The following ARHGAP39 variants were observed in gnomAD, a reference collection of about 807,000 sequenced individuals.
The protein encoded by ARHGAP39 is Rho GTPase activating protein 39.
A neutral mutation model predicts 106.9 loss-of-function variants in ARHGAP39; 44 were observed. That is an observed-to-expected ratio of 0.41 (90% CI 0.32 to 0.53). ARHGAP39 has a LOEUF of 0.53. Ranked by LOEUF, ARHGAP39 falls within the 20% of genes least tolerant of loss-of-function variation. The pLI, the probability that ARHGAP39 is intolerant of heterozygous loss-of-function variation, is 0.21. For missense variants in ARHGAP39, 1,496 were observed against 1,577.3 expected (o/e 0.95, Z 0.87); for synonymous variants, 768 against 693.2 (o/e 1.11, Z -1.69).
chr8:144,660,892 G>A (rs1239233381), intron 1 of ARHGAP39, among the ~76,000 whole-genome samples: 2 of 152,162 alleles, frequency 1.3e-5, no homozygotes, highest in Non-Finnish European at 2.9e-5. Flanking sequence ...GCTGAGGCAG[G>A]AGAATTGCTT....
chr8:144,661,774 G>A (rs1049018451), intron 1 of ARHGAP39, among the ~76,000 whole-genome samples: 1 of 151,882 alleles, frequency 6.6e-6, no homozygotes, highest in Non-Finnish European at 1.5e-5. Context: ...GCCACTACCC[G>A]CCTCTCCATT....
intron 1 of ARHGAP39, among the ~76,000 whole-genome samples, chr8:144,659,089 T>C (rs1821764077): frequency 6.6e-6 from 1 of 152,108 alleles, no homozygotes; most frequent in Non-Finnish European, 1.5e-5. Flanking sequence ...CAGGTGCTAA[T>C]CCCAAAAGCA....
intron 1 of ARHGAP39, among the ~76,000 whole-genome samples, chr8:144,658,822 A>C (rs1455255196): frequency 1.3e-5 from 2 of 152,194 alleles, no homozygotes; most frequent in Non-Finnish European, 2.9e-5. Context: ...TCATAGACAA[A>C]ATGATTATAT....
intron 3 of ARHGAP39, among the ~76,000 whole-genome samples, chr8:144,566,803 C>T (rs376568478): frequency 1.5e-4 from 22 of 149,634 alleles, no homozygotes; most frequent in African/African-American, 2.7e-4. Context: ...TGCAGTGAGC[C>T]GAGATCGTGC....
chr8:144,534,047 T>G, intron 8 of ARHGAP39, 82 bp downstream of exon 8: 1 of 1,509,814 alleles, frequency 6.6e-7, no homozygotes, highest in Non-Finnish European at 9.1e-7. Context: ...CATACCAAAC[T>G]GCAGGCGGGG....
intron 2 of ARHGAP39, among the ~76,000 whole-genome samples, chr8:144,600,812 C>T (rs140931082): frequency 0.027 from 3,800 of 139,406 alleles, 90 homozygotes; most frequent in Admixed American, 0.07. Flanking sequence ...CCTACCTGCG[C>T]GTGTGTGTGC....
At chr8:144,556,283 T>TAAAA (rs773901158) in intron 3 of ARHGAP39, among the ~76,000 whole-genome samples, 6 of 87,290 alleles carry the variant, frequency 6.9e-5, no homozygotes, top group South Asian at 3.9e-4. Context: ...AGACTCCATC[T>TAAAA]AAAAAAAAAA....
At chr8:144,620,840 C>T (rs1054874197) in intron 1 of ARHGAP39, among the ~76,000 whole-genome samples, 5 of 152,248 alleles carry the variant, frequency 3.3e-5, no homozygotes, top group Admixed American at 6.5e-5. Context: ...GAAGAGGGGC[C>T]GTGAGGACCG....
intron 1 of ARHGAP39, among the ~76,000 whole-genome samples, chr8:144,632,968 C>A (rs1224083084): frequency 6.6e-6 from 1 of 152,240 alleles, no homozygotes; most frequent in Non-Finnish European, 1.5e-5. Context: ...AGTGAGACCC[C>A]ATCTCTATAA....
chr8:144,548,521 G>A lies in ARHGAP39; in HGVS notation c.597-32C>T. 1 of 1,593,482 alleles carries A rather than the reference G, an allele frequency of 6.3e-7. No individual in the cohort carries two copies. Among genetic ancestry groups the A allele is most frequent in the Non-Finnish European group, 8.5e-7 (1 of 1,172,856 alleles). On this transcript the variant is annotated intron_variant, in intron 4 of 11. Transcript: ENST00000377307. The surrounding 1 kb of genome is among the most constrained non-coding windows in gnomAD (Gnocchi z 7.4). ...GGGGGGTGGACGGGCACAGGTGACT[G>A]CCTGCCTGCTGCTTCTGGGCACGCC... is the stretch of plus-strand genomic sequence containing the variant.
chr8:144,581,710 C>A (rs750716690), intron 2 of ARHGAP39, among the ~76,000 whole-genome samples: 1 of 152,186 alleles, frequency 6.6e-6, no homozygotes, highest in Non-Finnish European at 1.5e-5. Flanking sequence ...TCTGGAGGGG[C>A]CTCAGGCCCA....
chr8:144,689,457 A>G (rs12216871), upstream of ARHGAP39, among the ~76,000 whole-genome samples: 109,692 of 110,552 alleles, frequency 0.99, 54,419 homozygotes, highest in Admixed American at 0.99. Context: ...TTTTTTTTGA[A>G]AAGGAGTCTC....
rs904916437 is a variant in ARHGAP39, at chr8:144,671,704, C to T, written c.-82+13982G>A. On this transcript the variant is annotated intron_variant, in intron 1 of 11. Transcript: ENST00000377307. This position sits in a 1 kb window ranked among gnomAD's most constrained non-coding sequence, Gnocchi z 4.5. ...GCCTACCTGAACTCCACGCCCCTCC[C>T]GGCCAGCCACCCTAGGGTTCTCCCT... Among the ~76,000 whole-genome samples, 1 of 152,242 alleles carries T rather than the reference C, an allele frequency of 6.6e-6. No homozygotes were observed. Among genetic ancestry groups the T allele is most frequent in the Admixed American group, 6.5e-5 (1 of 15,280 alleles).
intron 7 of ARHGAP39, among the ~76,000 whole-genome samples, chr8:144,536,174 C>T (rs1362484305): frequency 6.6e-6 from 1 of 152,192 alleles, no homozygotes; most frequent in Non-Finnish European, 1.5e-5. Flanking sequence ...GACCTCAGCC[C>T]TCATCTCCAT....
At chr8:144,633,047 C>T in intron 1 of ARHGAP39, among the ~76,000 whole-genome samples, 1 of 152,164 alleles carries the variant, frequency 6.6e-6, no homozygotes, top group Non-Finnish European at 1.5e-5. Flanking sequence ...GAGGCTGAGG[C>T]AGGAGGATCA....
intron 6 of ARHGAP39, among the ~76,000 whole-genome samples, chr8:144,544,709 C>T (rs574739972): frequency 8.5e-5 from 13 of 152,344 alleles, no homozygotes; most frequent in African/African-American, 1.9e-4. Flanking sequence ...ATGATGGCTC[C>T]GACGTGCGAC....
intron 2 of ARHGAP39, among the ~76,000 whole-genome samples, chr8:144,600,594 G>A (rs1359515008): frequency 2.7e-5 from 4 of 148,082 alleles, no homozygotes; most frequent in Non-Finnish European, 6.0e-5. Flanking sequence ...GTATACCTGA[G>A]TGTGCGTGTT....
intron 2 of ARHGAP39, among the ~76,000 whole-genome samples, chr8:144,600,010 C>T (rs1819786341): frequency 6.6e-6 from 1 of 152,220 alleles, no homozygotes; most frequent in Non-Finnish European, 1.5e-5. Flanking sequence ...ACCGTGTGTG[C>T]TCAGCATTTC....
At chr8:144,692,748 CTTTTTTT>C in the ARHGAP39 span, among the ~76,000 whole-genome samples, 573 of 69,084 alleles carry the variant, frequency 8.3e-3, 8 homozygotes, top group Admixed American at 0.011. Flanking sequence ...TTGTAAAATT[CTTTTTTT>C]TTTTTTTTTT....
Sources: gnomAD v4.1 joint callset for allele counts (sites outside exome capture counted in the v4.1 genomes callset) on GRCh38, gnomAD v4.1.1 for gene constraint, Gnocchi (gnomAD v3.1) non-coding constraint, MANE v1.5 for transcripts, NCBI Gene and HGNC (gene_info 2026-07-23, HGNC 2026-07-21) for gene names.